HIF1A: variants seen among roughly 807,000 people sequenced by gnomAD.
HIF1A encodes hypoxia inducible factor 1 subunit alpha.
In HIF1A, 24 loss-of-function variants were observed where a neutral mutation model predicts 92.7. That is an observed-to-expected ratio of 0.26 (90% confidence interval 0.19 to 0.36). The LOEUF (loss-of-function observed/expected upper bound fraction) is 0.36, where lower values mean the gene tolerates loss of function less well. Ranked by LOEUF, HIF1A falls within the 10% of genes least tolerant of loss-of-function variation. HIF1A has a pLI of 1.00. For synonymous variants in HIF1A, 319 were observed against 338.7 expected, an observed-to-expected ratio of 0.94 and a Z score of 0.64; for missense variants, 799 against 998.5, an observed-to-expected ratio of 0.80 and a Z score of 2.69.
At chr14:61,702,246 G>A (rs1199249123) in intron 1 of HIF1A, among the ~76,000 whole-genome samples, 1 of 145,702 alleles carries the variant, frequency 6.9e-6, no homozygotes, top group Non-Finnish European at 1.5e-5. Flanking sequence ...TGACCAACTT[G>A]GAGAAACCCC....
At chr14:61,741,846 C>G (rs1480364282) in intron 12 of HIF1A, among the ~76,000 whole-genome samples, 1 of 152,124 alleles carries the variant, frequency 6.6e-6, no homozygotes, top group Non-Finnish European at 1.5e-5. Flanking sequence ...TTAGATGCTT[C>G]CATTTCTTAG....
chr14:61,720,286 T>C (rs1434135964), intron 1 of HIF1A, 96 bp from the exon 2 acceptor site: 3 of 811,750 alleles, frequency 3.7e-6, no homozygotes, highest in Non-Finnish European at 5.7e-6. Flanking sequence ...TTCTAATCCT[T>C]CTGTGATAAG....
chr14:61,745,677 T>A lies in HIF1A; in HGVS notation c.2203-14T>A. 6.2e-7 allele frequency: 1 copy of A among 1,600,720 alleles called. No individual in the cohort carries two copies. The highest frequency in any genetic ancestry group is 8.5e-7 in the Non-Finnish European group (1 of 1,175,436). On this transcript the variant is annotated splice_polypyrimidine_tract_variant and intron_variant, in intron 13 of 14. Coordinates refer to ENST00000337138, the MANE Select transcript of HIF1A (RefSeq NM_001530.4). ...TTCAACAAACTAAACTTGAAATAAC[T>A]TTACTGTTTATAGGGAACATTATTA...
chr14:61,736,837 T>G, intron 8 of HIF1A, 52 bp from the exon 9 acceptor site: 2 of 1,252,226 alleles, frequency 1.6e-6, no homozygotes, highest in Non-Finnish European at 1.2e-6. Context: ...TCCCTTCCCC[T>G]CACTGTATCA....
chr14:61,719,395 A>G (rs2044400570), intron 1 of HIF1A, among the ~76,000 whole-genome samples: 1 of 152,250 alleles, frequency 6.6e-6, no homozygotes, highest in East Asian at 1.9e-4. Flanking sequence ...CCTATTTGCT[A>G]CATAATGGCT....
In HIF1A at chr14:61,740,419, T is replaced by G. The variant is rs530988454; in HGVS notation, c.1537-86T>G. On this transcript the variant is annotated intron_variant, in intron 10 of 14. Transcript: ENST00000337138. ...GACTTGGTTGTGTGTTTTCTGGTTT[T>G]TCTGAGATCTAGTTTGAAAATTCTG... 8.0e-6 allele frequency: 8 copies of G among 1,004,580 alleles called. No homozygotes were observed. In the East Asian group the frequency reaches 1.7e-4, roughly 22 times the overall value. 62.2% of individuals were successfully genotyped at this position (1,004,580 alleles called of 1,614,324 possible).
intron 12 of HIF1A, among the ~76,000 whole-genome samples, chr14:61,744,247 A>C (rs2044748838): frequency 6.6e-6 from 1 of 152,122 alleles, no homozygotes. Flanking sequence ...TTAAGCTTTG[A>C]CGGCCAGGTG....
chr14:61,731,716 A>G (rs184132575), intron 6 of HIF1A, among the ~76,000 whole-genome samples: 1 of 152,376 alleles, frequency 6.6e-6, no homozygotes. Flanking sequence ...GATTTTATCT[A>G]TATTTTAAAA....
intron 9 of HIF1A, among the ~76,000 whole-genome samples, chr14:61,737,563 C>T (rs1175725973): frequency 6.6e-6 from 1 of 152,060 alleles, no homozygotes; most frequent in Non-Finnish European, 1.5e-5. Flanking sequence ...TCTTTTATGC[C>T]ATAGAGATTA....
At chr14:61,703,308 T>C (rs775484196) in intron 1 of HIF1A, among the ~76,000 whole-genome samples, 8 of 152,196 alleles carry the variant, frequency 5.3e-5, no homozygotes, top group Non-Finnish European at 1.2e-4. Flanking sequence ...AAGTTTTAAA[T>C]TTGGAACACT....
Position 61,737,082 on chromosome 14 carries a change from A to G in HIF1A, c.1222A>G (p.Ile408Val). The change falls in exon 9 of 15, where the codon ATC becomes GTC. Residue 408 changes from isoleucine to valine, a missense_variant. By Grantham distance (29) the Ile-to-Val change is conservative. Around this residue, in one of 2 missense-constraint regions of HIF1A, gnomAD observed 516 missense variants for 721.0 expected, o/e 0.72. Transcript: ENST00000337138. ...TLLAPAAGDTIISLDFGSNDT... is the reference protein window; with the variant it reads ...TLLAPAAGDTVISLDFGSNDT... ...GCTGGCCCCAGCCGCTGGAGACACA[A>G]TCATATCTTTAGATTTTGGCAGCAA... 1.2e-6 allele frequency: 2 copies of G among 1,614,150 alleles called. No individual in the cohort carries two copies. The highest frequency in any genetic ancestry group is 1.7e-6 in the Non-Finnish European group (2 of 1,179,988).
intron 12 of HIF1A, among the ~76,000 whole-genome samples, chr14:61,742,875 A>C (rs2044730033): frequency 2.4e-5 from 2 of 83,820 alleles, no homozygotes; most frequent in Non-Finnish European, 4.7e-5. Context: ...AGAAGAGTGA[A>C]ACTCGGTTTC....
chr14:61,731,353 T>A (rs574131921), intron 6 of HIF1A, among the ~76,000 whole-genome samples: 1 of 152,340 alleles, frequency 6.6e-6, no homozygotes, highest in South Asian at 2.1e-4. Flanking sequence ...CATGTCATGG[T>A]TGCCATTTCA....
At chr14:61,719,213 A>T (rs1240265374) in intron 1 of HIF1A, among the ~76,000 whole-genome samples, 1 of 152,206 alleles carries the variant, frequency 6.6e-6, no homozygotes, top group Admixed American at 6.5e-5. Flanking sequence ...ATACTGCCCA[A>T]TGCTCACTAA....
chr14:61,736,745 G>A (rs2044642720), intron 8 of HIF1A, 144 bp from the exon 9 acceptor site: 2 of 622,846 alleles, frequency 3.2e-6, no homozygotes, highest in East Asian at 2.7e-5. Context: ...GACACAGTAC[G>A]CATGAGTGAT....
At chr14:61,744,574 G>A in intron 12 of HIF1A, 131 bp from the exon 13 acceptor site, 1 of 447,030 alleles carries the variant, frequency 2.2e-6, no homozygotes, top group East Asian at 3.7e-5. Flanking sequence ...TAGTGATCAG[G>A]AAAGTTATCT....
Position 61,720,396 on chromosome 14 carries a change from G to A in HIF1A, c.50G>A (p.Arg17His), listed in dbSNP as rs1163104034. 1.9e-6 allele frequency: 3 copies of A among 1,610,796 alleles called. No homozygotes were observed. The highest frequency in any genetic ancestry group is 1.7e-6 in the Non-Finnish European group (2 of 1,178,806). The stretch of plus-strand genomic sequence containing the variant: ...TTGTTAAGTAGGATAAGTTCTGAAC[G>A]TCGAAAAGAAAAGTCTCGAGATGCA... ...ANDKKKISSE[R>H]RKEKSRDAAR... Residue 17 changes from arginine (R) to histidine (H), a missense_variant, in exon 2 of 15, where the codon CGT becomes CAT. Transcript: ENST00000337138.
At chr14:61,724,899 G>T (rs1364093173) in intron 4 of HIF1A, among the ~76,000 whole-genome samples, 1 of 152,062 alleles carries the variant, frequency 6.6e-6, no homozygotes, top group Non-Finnish European at 1.5e-5. Flanking sequence ...GAATATTTAG[G>T]CAGGACTCCA....
At chr14:61,742,907 A>AAAAAG (rs71117851) in intron 12 of HIF1A, among the ~76,000 whole-genome samples, 70,325 of 105,016 alleles carry the variant, frequency 0.67, 26,182 homozygotes, top group Non-Finnish European at 0.77. Context: ...AAAAAAAAAA[A>AAAAAG]GTTGTTGGAC....
Sources: allele counts gnomAD v4.1 joint callset (sites outside exome capture counted in the v4.1 genomes callset), GRCh38; gene constraint gnomAD v4.1.1; regional missense constraint gnomAD v4.1.1; transcripts MANE v1.5; gene names NCBI Gene and HGNC (gene_info 2026-07-23, HGNC 2026-07-21).